KDM6A: variants seen among roughly 807,000 people sequenced by gnomAD.
KDM6A encodes lysine-specific demethylase 6A.
Under a neutral mutation model 117.6 loss-of-function variants are expected in KDM6A, and 11 were observed. The observed-to-expected ratio is 0.09, with a 90% CI of 0.06 to 0.15. KDM6A has a LOEUF of 0.15. Ranked by LOEUF, KDM6A falls within the 10% of genes least tolerant of loss-of-function variation. The pLI, the probability that KDM6A is intolerant of heterozygous loss-of-function variation, is 1.00. For missense variants in KDM6A, 799 were observed against 1,077.3 expected, an observed-to-expected ratio of 0.74 and a Z score of 3.62; for synonymous variants, 384 against 396.1, an observed-to-expected ratio of 0.97 and a Z score of 0.36.
intron 18 of KDM6A, among the ~76,000 whole-genome samples, chrX:45,074,242 T>C (rs1018558566): frequency 8.9e-6 from 1 of 111,809 alleles, no homozygotes; most frequent in Non-Finnish European, 1.9e-5. Context: ...ATATCTCTCT[T>C]TTGGTACCAG....
intron 8 of KDM6A, among the ~76,000 whole-genome samples, chrX:45,050,589 A>G (rs1427039646): frequency 1.2e-4 from 13 of 111,419 alleles, no homozygotes. Context: ...CTTTTTTTTG[A>G]AAATATTTGT....
intron 16 of KDM6A, 50 bp from the exon 17 acceptor site, chrX:45,063,372 C>CCCTATCTCTTT: frequency 8.9e-7 from 1 of 1,128,996 alleles, no homozygotes; most frequent in Non-Finnish European, 1.2e-6. Flanking sequence ...AGATTCTCTT[C>CCCTATCTCTTT]CCTATAGATT....
intron 8 of KDM6A, among the ~76,000 whole-genome samples, chrX:45,038,849 T>G: frequency 9.0e-6 from 1 of 111,354 alleles, no homozygotes. Flanking sequence ...CAAAATTAGG[T>G]CATCATAGTT....
intron 2 of KDM6A, among the ~76,000 whole-genome samples, chrX:44,909,968 CT>C (rs973865090): frequency 8.9e-6 from 1 of 111,813 alleles, no homozygotes; most frequent in Non-Finnish European, 1.9e-5. Context: ...GTATAATAAC[CT>C]TTTTTTCTTA....
chrX:45,051,740 A>C lies in KDM6A; in HGVS notation c.686A>C (p.Glu229Ala). ...RKYHSAKEAYEQLLQTENLSA... is the reference protein window; with the variant it reads ...RKYHSAKEAYAQLLQTENLSA... ...TATCATTCTGCAAAAGAAGCTTATG[A>C]ACAACTTTTGCAGACAGAGAATCTT... is the stretch of plus-strand genomic sequence containing the variant. Residue 229 changes from glutamate to alanine, a missense_variant, in exon 9 of 30, where the codon GAA becomes GCA. Glu to Ala is a moderately radical substitution (Grantham distance 107). Coordinates refer to ENST00000611820, the MANE Select transcript of KDM6A (RefSeq NM_001291415.2). 1 of 1,191,588 alleles carries C rather than the reference A, an allele frequency of 8.4e-7. No homozygotes were observed. The highest frequency in any genetic ancestry group is 1.1e-6 in the Non-Finnish European group (1 of 879,114).
intron 17 of KDM6A, among the ~76,000 whole-genome samples, chrX:45,066,696 ACTT>A (rs1855600550): frequency 8.9e-6 from 1 of 112,058 alleles, no homozygotes; most frequent in Admixed American, 9.5e-5. Context: ...TCTCACATCT[ACTT>A]CTTTGGCTCA....
intron 2 of KDM6A, among the ~76,000 whole-genome samples, chrX:44,936,097 G>T (rs1370860526): frequency 8.9e-6 from 1 of 111,820 alleles, no homozygotes; most frequent in Non-Finnish European, 1.9e-5. Flanking sequence ...AAATGTGTTG[G>T]CAGGGCCATA....
intron 28 of KDM6A, among the ~76,000 whole-genome samples, chrX:45,108,259 A>G (rs978046509): frequency 3.6e-5 from 4 of 111,440 alleles, no homozygotes; most frequent in African/African-American, 6.5e-5. Context: ...AGAACAGGGA[A>G]ATGAAATGGT....
chrX:44,900,546 G>T (rs2034271559), intron 2 of KDM6A, among the ~76,000 whole-genome samples: 1 of 111,789 alleles, frequency 8.9e-6, no homozygotes, highest in Non-Finnish European at 1.9e-5. Context: ...AGAAAAGATT[G>T]TTAGGCCCTT....
chrX:44,991,946 C>T (rs2091525539), intron 4 of KDM6A, among the ~76,000 whole-genome samples: 1 of 110,921 alleles, frequency 9.0e-6, no homozygotes, highest in African/African-American at 3.3e-5. Flanking sequence ...GCCTCAGCCT[C>T]TCAGAGTGTT....
At chrX:45,011,755 A>G (rs1413043779) in intron 5 of KDM6A, among the ~76,000 whole-genome samples, 1 of 110,808 alleles carries the variant, frequency 9.0e-6, no homozygotes, top group Non-Finnish European at 1.9e-5. Flanking sequence ...TTTCCTCTTT[A>G]GTTTGTTTAT....
intron 4 of KDM6A, among the ~76,000 whole-genome samples, chrX:44,995,035 A>G (rs148608218): frequency 0.038 from 4,289 of 112,015 alleles, 215 homozygotes; most frequent in African/African-American, 0.13. Flanking sequence ...TCTCTTTGAA[A>G]TTTTGATTTC....
At chrX:45,008,798 T>A (rs1295548108) in intron 4 of KDM6A, among the ~76,000 whole-genome samples, 3 of 111,775 alleles carry the variant, frequency 2.7e-5, no homozygotes, top group African/African-American at 6.5e-5. Context: ...TTAAAAAAAA[T>A]TTAAACAGGA....
Position 45,076,852 on chromosome X carries a change from A to T in KDM6A, c.2988+26A>T. 2.6e-6 allele frequency: 3 copies of T among 1,173,195 alleles called. No homozygotes were observed. The East Asian group carries it at 8.9e-5, about 35-fold the overall frequency. On this transcript the variant is annotated intron_variant, in intron 19 of 29. Transcript: ENST00000611820. ...GTGAGTCTGAATTGACTGACTAGAAATAAAACAGTGTTTGCAACTACCTGT... is the reference window on the plus strand; with the variant it reads ...GTGAGTCTGAATTGACTGACTAGAATTAAAACAGTGTTTGCAACTACCTGT...
In KDM6A at chrX:44,907,468, TGG is replaced by T. The variant is rs1491128485; in HGVS notation, c.225+33482_225+33483del. ...AATTGTGTGTGTGTGTGTGTGTGTG[TGG>T]TTTTTTTTTTCTTTTTTTTTTTTTT... On this transcript the variant is annotated intron_variant, in intron 2 of 29. Coordinates refer to ENST00000611820, the MANE Select transcript of KDM6A (RefSeq NM_001291415.2). Among the ~76,000 whole-genome samples the T allele has an allele frequency of 4.7e-3, 438 of 93,896 alleles. 4 individuals are homozygous for T. The highest frequency in any genetic ancestry group is 0.02 in the African/African-American group (410 of 20,581). The allele number at this position is 93,896 out of a possible 115,157, so 81.5% of individuals were successfully genotyped here.
At chrX:44,917,026 T>A (rs777932026) in intron 2 of KDM6A, among the ~76,000 whole-genome samples, 2 of 86,077 alleles carry the variant, frequency 2.3e-5, no homozygotes, top group African/African-American at 1.2e-4. Context: ...ATATACTCAC[T>A]TTTTTTTTTT....
In KDM6A at chrX:44,899,002, A is replaced by AGG. The variant is rs1213788197; in HGVS notation, c.225+25017_225+25018dup. 4.9e-3 allele frequency among the ~76,000 whole-genome samples: 335 copies of AGG among 67,753 alleles called. 7 individuals carry two copies. Among genetic ancestry groups the AGG allele is most frequent in the African/African-American group, 0.032 (270 of 8,433 alleles). 58.8% of individuals were successfully genotyped at this position (67,753 alleles called of 115,157 possible). A position where few individuals can be genotyped will look rare whatever the true frequency, so the allele number is the denominator to read the frequency against. ...TGAAACTGCGGAGGGAGGGAGAGGG[A>AGG]GGGTGTGTGTGTGTGTGTGTGTGTG... On this transcript the variant is annotated intron_variant, in intron 2 of 29. Transcript: ENST00000611820.
At chrX:45,041,575 C>G (rs1276020298) in intron 8 of KDM6A, among the ~76,000 whole-genome samples, 1 of 110,053 alleles carries the variant, frequency 9.1e-6, no homozygotes, top group Non-Finnish European at 1.9e-5. Flanking sequence ...ACTTCTCAGA[C>G]GGGGCGGCTG....
chrX:45,105,934 C>T (rs988279009), intron 27 of KDM6A, among the ~76,000 whole-genome samples: 3 of 112,054 alleles, frequency 2.7e-5, no homozygotes, highest in African/African-American at 9.7e-5. Flanking sequence ...TGCAAGGCAT[C>T]TGGGTTCCTT....
Sources: gnomAD v4.1 joint callset for allele counts (sites outside exome capture counted in the v4.1 genomes callset) on GRCh38, gnomAD v4.1.1 for gene constraint, MANE v1.5 for transcripts, NCBI Gene and HGNC (gene_info 2026-07-23, HGNC 2026-07-21) for gene names.